The following PCDH7 variants were observed in gnomAD, a reference collection of about 807,000 sequenced individuals.
PCDH7 encodes the protein protocadherin-7.
In PCDH7, 17 loss-of-function variants were observed where a neutral mutation model predicts 58.9. The observed-to-expected ratio is 0.29, with a 90% CI of 0.20 to 0.43. The LOEUF (loss-of-function observed/expected upper bound fraction) is 0.43, where lower values mean the gene tolerates loss of function less well. Among genes scored for constraint, PCDH7 ranks in the 20% least tolerant of loss-of-function variants. PCDH7 has a pLI of 1.00. For synonymous variants in PCDH7, 664 were observed against 616.4 expected, an observed-to-expected ratio of 1.08 and a Z score of -1.14; for missense variants, 1,274 against 1,441.0, an observed-to-expected ratio of 0.88 and a Z score of 1.88.
chr4:31,032,670 G>GGGAGGGAGGGAT (rs1755047867), intron 3 of PCDH7, among the ~76,000 whole-genome samples: 1 of 85,006 alleles, frequency 1.2e-5, no homozygotes, highest in Non-Finnish European at 2.7e-5. Flanking sequence ...AAGGAAGGAA[G>GGGAGGGAGGGAT]GGAGGGAGGG....
At chr4:30,999,144 C>T (rs1305492622) in intron 3 of PCDH7, among the ~76,000 whole-genome samples, 6 of 152,022 alleles carry the variant, frequency 3.9e-5, no homozygotes, top group African/African-American at 1.2e-4. Context: ...CCTACCTGGC[C>T]GTGAATACTA....
At chr4:30,810,317 G>A (rs1224599261) in intron 1 of PCDH7, among the ~76,000 whole-genome samples, 1 of 152,036 alleles carries the variant, frequency 6.6e-6, no homozygotes, top group Non-Finnish European at 1.5e-5. Flanking sequence ...ATAAATGGAT[G>A]GGCGAATATG....
intron 1 of PCDH7, among the ~76,000 whole-genome samples, chr4:30,805,985 G>T (rs541230231): frequency 7.9e-5 from 12 of 152,240 alleles, no homozygotes; most frequent in Admixed American, 6.5e-4. Context: ...ATATTGCATT[G>T]TACTTACTAA....
chr4:31,135,040 A>G (rs1246537072), intron 3 of PCDH7, among the ~76,000 whole-genome samples: 1 of 152,128 alleles, frequency 6.6e-6, no homozygotes, highest in Non-Finnish European at 1.5e-5. Context: ...TTTCATGTCC[A>G]TGCATCATGA....
intron 1 of PCDH7, among the ~76,000 whole-genome samples, chr4:30,899,626 T>G (rs994010776): frequency 3.9e-5 from 6 of 152,204 alleles, no homozygotes; most frequent in African/African-American, 1.4e-4. Context: ...TCCTTTTGGG[T>G]TTCCGTTTAC....
intron 3 of PCDH7, among the ~76,000 whole-genome samples, chr4:30,993,972 T>C (rs1040778975): frequency 5.3e-5 from 8 of 152,194 alleles, no homozygotes; most frequent in African/African-American, 1.7e-4. Flanking sequence ...AGTTGGTAAC[T>C]AGTTGAATAG....
rs774420135 is a variant in PCDH7 at position 30,723,552 on chromosome 4, C to T, written c.2130C>T (p.Phe710=). ...GGGAACATCAGACCACATACACTTT[C>T]AGAGTCAAGGCTGTGGATGGGGGAG... The change falls in exon 1 of 2, where the codon TTC becomes TTT. Residue 710 remains phenylalanine, a synonymous_variant. Coordinates refer to ENST00000361762, the Ensembl canonical transcript of PCDH7. This position sits in a 1 kb window ranked among gnomAD's most constrained non-coding sequence, Gnocchi z 4.6. The T allele has an allele frequency of 6.2e-7, 1 of 1,614,078 alleles. No individual in the cohort carries two copies. The highest frequency in any genetic ancestry group is 8.5e-7 in the Non-Finnish European group (1 of 1,180,028).
At chr4:30,747,073 A>C (rs1717875903) in intron 1 of PCDH7, among the ~76,000 whole-genome samples, 1 of 152,126 alleles carries the variant, frequency 6.6e-6, no homozygotes, top group Admixed American at 6.6e-5. Flanking sequence ...GCATTTTTTG[A>C]ATTATTTTTT....
At chr4:30,903,066 C>T (rs1740442218) in intron 1 of PCDH7, among the ~76,000 whole-genome samples, 1 of 152,086 alleles carries the variant, frequency 6.6e-6, no homozygotes, top group Non-Finnish European at 1.5e-5. Context: ...GACAACTTTG[C>T]CCTTCTGAAT....
chr4:30,836,113 A>G (rs1730452455), intron 1 of PCDH7, among the ~76,000 whole-genome samples: 1 of 152,196 alleles, frequency 6.6e-6, no homozygotes, highest in African/African-American at 2.4e-5. Context: ...TATTTGGTTG[A>G]CTTGGATAGC....
At chr4:30,752,299 A>ATT (rs1302103578) in intron 1 of PCDH7, among the ~76,000 whole-genome samples, 17 of 151,850 alleles carry the variant, frequency 1.1e-4, no homozygotes, top group African/African-American at 3.6e-4. Flanking sequence ...TGCCCAGCTA[A>ATT]TTTTTCGTAT....
intron 2 of PCDH7, among the ~76,000 whole-genome samples, chr4:30,927,341 C>G (rs919977953): frequency 6.6e-6 from 1 of 152,016 alleles, no homozygotes; most frequent in African/African-American, 2.4e-5. Context: ...CGGCCACCAC[C>G]CCGTCTGGGA....
At chr4:30,880,133 T>A (rs1267911979) in intron 1 of PCDH7, among the ~76,000 whole-genome samples, 1 of 151,998 alleles carries the variant, frequency 6.6e-6, no homozygotes, top group African/African-American at 2.4e-5. Context: ...CTTGGGAAAA[T>A]GCAATACCTA....
chr4:30,849,175 G>A (rs764542719), intron 1 of PCDH7, among the ~76,000 whole-genome samples: 13 of 152,082 alleles, frequency 8.5e-5, no homozygotes, highest in Non-Finnish European at 1.6e-4. Context: ...AGAGCATACT[G>A]TTGGATGAAA....
At chr4:31,004,880 C>T (rs1167926853) in intron 3 of PCDH7, among the ~76,000 whole-genome samples, 1 of 151,882 alleles carries the variant, frequency 6.6e-6, no homozygotes, top group African/African-American at 2.4e-5. Flanking sequence ...ATAGTGACAA[C>T]GACAATCAAA....
At chr4:31,001,366 A>T (rs563850951) in intron 3 of PCDH7, among the ~76,000 whole-genome samples, 7 of 152,266 alleles carry the variant, frequency 4.6e-5, no homozygotes, top group African/African-American at 1.7e-4. Flanking sequence ...ATAATAAAAC[A>T]TTAAACACAT....
At chr4:31,086,730 A>G (rs1712491857) in intron 3 of PCDH7, among the ~76,000 whole-genome samples, 1 of 152,144 alleles carries the variant, frequency 6.6e-6, no homozygotes, top group African/African-American at 2.4e-5. Context: ...TTAAAACAGG[A>G]CCACACAATA....
At chr4:31,095,698 G>C (rs1012015527) in intron 3 of PCDH7, among the ~76,000 whole-genome samples, 3 of 152,114 alleles carry the variant, frequency 2.0e-5, no homozygotes, top group Non-Finnish European at 4.4e-5. Context: ...GTATTTAATT[G>C]AGATTATCAG....
chr4:31,069,621 A>G (rs1438817322), intron 3 of PCDH7, among the ~76,000 whole-genome samples: 3 of 152,070 alleles, frequency 2.0e-5, no homozygotes, highest in Non-Finnish European at 1.5e-5. Flanking sequence ...CATAATGTTT[A>G]TGGATTAAAT....
Sources: allele counts gnomAD v4.1 joint callset (sites outside exome capture counted in the v4.1 genomes callset), GRCh38; gene constraint gnomAD v4.1.1; non-coding constraint Gnocchi (gnomAD v3.1); transcripts MANE v1.5; gene names NCBI Gene and HGNC (gene_info 2026-07-23, HGNC 2026-07-21).